Variants in RANBP2 observed in about 807,000 individuals in gnomAD.
RANBP2 encodes RAN binding protein 2.
A neutral mutation model predicts 303.6 loss-of-function variants in RANBP2; 57 were observed. That is an observed-to-expected ratio of 0.19 (90% CI 0.15 to 0.23). The LOEUF (loss-of-function observed/expected upper bound fraction) is 0.23. RANBP2 is among the 10% of genes least tolerant of loss of function. The pLI, the probability that RANBP2 is intolerant of heterozygous loss-of-function variation, is 1.00. For synonymous variants in RANBP2, 1,167 were observed against 1,301.5 expected, an observed-to-expected ratio of 0.90 and a Z score of 2.23; for missense variants, 3,138 against 3,780.8, an observed-to-expected ratio of 0.83 and a Z score of 4.46.
intron 26 of RANBP2, among the ~76,000 whole-genome samples, chr2:108,781,880 A>G (rs1210925185): frequency 6.6e-6 from 1 of 152,220 alleles, no homozygotes; most frequent in African/African-American, 2.4e-5. Flanking sequence ...TCCTATAAAG[A>G]AAAGCATTTA....
the RANBP2 span, among the ~76,000 whole-genome samples, chr2:109,551,636 T>C: frequency 6.6e-6 from 1 of 152,222 alleles, no homozygotes. Context: ...CACTTTTCTG[T>C]TGTTTGAACT....
the RANBP2 span, chr2:109,616,818 T>C: frequency 2.4e-5 from 4 of 167,088 alleles, no homozygotes; most frequent in African/African-American, 9.6e-5. Flanking sequence ...CTACACAAAA[T>C]TTTATTTAAA....
chr2:108,753,943 G>A lies in RANBP2; in HGVS notation c.2174G>A (p.Ser725Asn), dbSNP rs148607056. Residue 725 changes from serine (S) to asparagine (N), a missense_variant, in exon 15 of 29, where the codon AGT becomes AAT. Ser to Asn is a conservative substitution (Grantham distance 46). Transcript: ENST00000283195. ...RDYLIKIIDD[S>N]DSNLSVVKKL... is the part of the protein sequence containing the mutation. ...TACCTAATAAAGATTATAGATGACAGTGATTCAAATCTTTCAGTGGTCAAG... is the reference window on the plus strand; with the variant it reads ...TACCTAATAAAGATTATAGATGACAATGATTCAAATCTTTCAGTGGTCAAG... 31 of 1,611,944 alleles carry A rather than the reference G, an allele frequency of 1.9e-5. No individual in the cohort carries two copies. In the African/African-American group the frequency reaches 2.9e-4, roughly 15 times the overall value.
the RANBP2 span, among the ~76,000 whole-genome samples, chr2:109,625,228 C>T: frequency 6.6e-6 from 1 of 151,832 alleles, no homozygotes; most frequent in Non-Finnish European, 1.5e-5. Flanking sequence ...AGATCTCAAA[C>T]ATATGTGCAT....
At chr2:108,742,356 T>A (rs1240260241) in intron 7 of RANBP2, among the ~76,000 whole-genome samples, 1 of 151,964 alleles carries the variant, frequency 6.6e-6, no homozygotes, top group African/African-American at 2.4e-5. Flanking sequence ...CAGGCTGGAG[T>A]GCAGTGGCGC....
chr2:109,357,593 G>A, the RANBP2 span, among the ~76,000 whole-genome samples: 1 of 152,202 alleles, frequency 6.6e-6, no homozygotes, highest in Non-Finnish European at 1.5e-5. Context: ...GATGAGTTGT[G>A]TTTGCTCTTG....
At chr2:109,384,429 C>G in the RANBP2 span, among the ~76,000 whole-genome samples, 25 of 152,060 alleles carry the variant, frequency 1.6e-4, no homozygotes, top group African/African-American at 5.3e-4. Context: ...AGGGAGGGAG[C>G]AGGTCCAGGG....
At chr2:109,678,493 G>A in the RANBP2 span, among the ~76,000 whole-genome samples, 4 of 152,342 alleles carry the variant, frequency 2.6e-5, no homozygotes, top group South Asian at 2.1e-4. Flanking sequence ...CAAAGACAGA[G>A]TTGCTCTCTC....
chr2:109,322,328 G>A, the RANBP2 span, among the ~76,000 whole-genome samples: 1 of 152,164 alleles, frequency 6.6e-6, no homozygotes, highest in African/African-American at 2.4e-5. Flanking sequence ...GGCAGCCAGG[G>A]CCGGCAGAGG....
At chr2:109,114,426 G>A in the RANBP2 span, among the ~76,000 whole-genome samples, 28 of 152,328 alleles carry the variant, frequency 1.8e-4, 1 homozygote, top group South Asian at 5.8e-3. Context: ...GCCTAGAGGT[G>A]TTTGTAGTAT....
the RANBP2 span, among the ~76,000 whole-genome samples, chr2:109,335,619 C>T: frequency 2.0e-5 from 3 of 152,290 alleles, no homozygotes; most frequent in Admixed American, 2.0e-4. Context: ...CTGACATTCT[C>T]TAGATTTTAC....
the RANBP2 span, among the ~76,000 whole-genome samples, chr2:108,944,355 C>A: frequency 2.6e-5 from 4 of 152,220 alleles, no homozygotes; most frequent in Non-Finnish European, 5.9e-5. Flanking sequence ...CTCAGGTAAT[C>A]CACCCGCCTT....
At chr2:109,707,596 C>T in the RANBP2 span, among the ~76,000 whole-genome samples, 1 of 152,206 alleles carries the variant, frequency 6.6e-6, no homozygotes, top group Non-Finnish European at 1.5e-5. Context: ...GCCCTGCCCT[C>T]CCTATCCTCC....
chr2:109,732,145 A>G, the RANBP2 span, among the ~76,000 whole-genome samples: 1 of 152,176 alleles, frequency 6.6e-6, no homozygotes, highest in South Asian at 2.1e-4. Context: ...GGCGTGAACT[A>G]GCATGCCTGG....
the RANBP2 span, among the ~76,000 whole-genome samples, chr2:109,373,578 T>A: frequency 2.7e-5 from 4 of 150,464 alleles, no homozygotes; most frequent in East Asian, 1.9e-4. Flanking sequence ...TGGGTTTTTT[T>A]AGGAGGTTCA....
At chr2:109,679,711 G>A in the RANBP2 span, among the ~76,000 whole-genome samples, 2 of 152,128 alleles carry the variant, frequency 1.3e-5, no homozygotes, top group Admixed American at 1.3e-4. Context: ...AATTCCCAGG[G>A]CATCTTGTTA....
the RANBP2 span, among the ~76,000 whole-genome samples, chr2:109,379,342 A>C: frequency 3.3e-5 from 5 of 152,230 alleles, no homozygotes; most frequent in African/African-American, 1.2e-4. Context: ...GAACTGGAAA[A>C]CGCCTTTAAA....
At chr2:108,984,904 C>T in the RANBP2 span, among the ~76,000 whole-genome samples, 2 of 152,194 alleles carry the variant, frequency 1.3e-5, no homozygotes, top group Non-Finnish European at 2.9e-5. Context: ...ATCCTGCCTG[C>T]TTCCTCCTGT....
the RANBP2 span, among the ~76,000 whole-genome samples, chr2:109,428,880 C>A: frequency 5.4e-4 from 82 of 152,218 alleles, no homozygotes; most frequent in African/African-American, 1.8e-3. Flanking sequence ...AGGTTGTGAG[C>A]CCTGCTACCT....
Sources: allele counts gnomAD v4.1 joint callset (sites outside exome capture counted in the v4.1 genomes callset), GRCh38; gene constraint gnomAD v4.1.1; transcripts MANE v1.5; gene names NCBI Gene and HGNC (gene_info 2026-07-23, HGNC 2026-07-21).